OR1B1: variants seen among roughly 807,000 people sequenced by gnomAD.
OR1B1 encodes the protein olfactory receptor family 1 subfamily B member 1.
For missense variants in OR1B1, 414 were observed against 402.1 expected (o/e 1.03, Z -0.25); for synonymous variants, 168 against 156.2 (o/e 1.08, Z -0.57).
the OR1B1 span, among the ~76,000 whole-genome samples, chr9:122,651,363 G>A: frequency 3.3e-5 from 5 of 152,168 alleles, no homozygotes; most frequent in African/African-American, 9.7e-5. Flanking sequence ...ACTACGTAAT[G>A]TATTACTGTT....
chr9:122,630,204 G>A (rs576001256), upstream of OR1B1, among the ~76,000 whole-genome samples: 3 of 152,254 alleles, frequency 2.0e-5, no homozygotes, highest in South Asian at 2.1e-4. Flanking sequence ...TGCTGATAAC[G>A]TGATCTTATA....
chr9:122,633,310 TG>T (rs1486341754), upstream of OR1B1, among the ~76,000 whole-genome samples: 1 of 152,192 alleles, frequency 6.6e-6, no homozygotes, highest in Non-Finnish European at 1.5e-5. Flanking sequence ...CAAAATGGAC[TG>T]AAGACCTAAA....
the OR1B1 span, among the ~76,000 whole-genome samples, chr9:122,654,030 C>G: frequency 6.6e-6 from 1 of 151,884 alleles, no homozygotes; most frequent in East Asian, 1.9e-4. Context: ...AAACATGCTC[C>G]AGAAAAAGAG....
chr9:122,655,595 A>C, the OR1B1 span, among the ~76,000 whole-genome samples: 1 of 151,586 alleles, frequency 6.6e-6, no homozygotes, highest in African/African-American at 2.4e-5. Flanking sequence ...AGCAACAGAA[A>C]ACCAAACACC....
At chr9:122,653,803 C>T in the OR1B1 span, among the ~76,000 whole-genome samples, 2 of 152,060 alleles carry the variant, frequency 1.3e-5, no homozygotes, top group South Asian at 2.1e-4. Context: ...ACTCAAGATC[C>T]CCTCAGACAG....
chr9:122,656,818 C>A, the OR1B1 span, among the ~76,000 whole-genome samples: 1 of 152,086 alleles, frequency 6.6e-6, no homozygotes, highest in Non-Finnish European at 1.5e-5. Flanking sequence ...AACATAAATT[C>A]TATTGAATGG....
At chr9:122,656,270 T>C in the OR1B1 span, among the ~76,000 whole-genome samples, 6 of 152,212 alleles carry the variant, frequency 3.9e-5, no homozygotes, top group African/African-American at 1.4e-4. Flanking sequence ...TCAGATATTA[T>C]ACATAGACAA....
At chr9:122,657,330 G>A in the OR1B1 span, among the ~76,000 whole-genome samples, 6 of 148,518 alleles carry the variant, frequency 4.0e-5, no homozygotes, top group East Asian at 1.4e-3. Flanking sequence ...TTTACATAGA[G>A]TCAAACAAGG....
At chr9:122,638,584 C>A in the OR1B1 span, among the ~76,000 whole-genome samples, 1 of 152,040 alleles carries the variant, frequency 6.6e-6, no homozygotes, top group Non-Finnish European at 1.5e-5. Flanking sequence ...AATATCTATC[C>A]GAGAACTAAG....
At chr9:122,657,616 A>C in the OR1B1 span, among the ~76,000 whole-genome samples, 1 of 152,172 alleles carries the variant, frequency 6.6e-6, no homozygotes, top group Non-Finnish European at 1.5e-5. Flanking sequence ...AACATAGCAA[A>C]CCTCCAGACC....
At chr9:122,648,368 C>A in the OR1B1 span, among the ~76,000 whole-genome samples, 1 of 152,094 alleles carries the variant, frequency 6.6e-6, no homozygotes, top group African/African-American at 2.4e-5. Context: ...CCCGTTCATG[C>A]TAAAAACACT....
chr9:122,631,829 T>C (rs570555083), upstream of OR1B1, among the ~76,000 whole-genome samples: 1 of 152,292 alleles, frequency 6.6e-6, no homozygotes, highest in Non-Finnish European at 1.5e-5. Context: ...ACACAGGGTA[T>C]GTGAGAACAA....
At chr9:122,638,163 A>T in the OR1B1 span, among the ~76,000 whole-genome samples, 9 of 152,162 alleles carry the variant, frequency 5.9e-5, no homozygotes, top group Non-Finnish European at 1.2e-4. Context: ...AAATTCTAGA[A>T]ATATGCAGGA....
At chr9:122,636,444 G>C in the OR1B1 span, among the ~76,000 whole-genome samples, 123 of 152,270 alleles carry the variant, frequency 8.1e-4, no homozygotes, top group African/African-American at 2.6e-3. Context: ...GTGAAACCCA[G>C]TCTCTACCAA....
the OR1B1 span, among the ~76,000 whole-genome samples, chr9:122,636,305 C>T: frequency 6.6e-6 from 1 of 152,206 alleles, no homozygotes; most frequent in Admixed American, 6.5e-5. Context: ...TACACACATG[C>T]ATGCACGCAT....
upstream of OR1B1, among the ~76,000 whole-genome samples, chr9:122,632,133 C>T (rs1483447022): frequency 1.3e-5 from 2 of 152,058 alleles, no homozygotes; most frequent in East Asian, 3.9e-4. Flanking sequence ...AATTACAAAA[C>T]ACACATAAAG....
chr9:122,633,395 C>A (rs990237501), upstream of OR1B1, among the ~76,000 whole-genome samples: 1 of 152,092 alleles, frequency 6.6e-6, no homozygotes, highest in African/African-American at 2.4e-5. Context: ...TTTTGGCAAT[C>A]ATTTTCTGGA....
At chr9:122,655,889 C>T in the OR1B1 span, among the ~76,000 whole-genome samples, 4 of 151,344 alleles carry the variant, frequency 2.6e-5, no homozygotes, top group South Asian at 2.1e-4. Flanking sequence ...TGCTTTTACA[C>T]GTAGAATGAC....
chr9:122,651,200 C>T, the OR1B1 span, among the ~76,000 whole-genome samples: 3 of 152,076 alleles, frequency 2.0e-5, no homozygotes, highest in Middle Eastern at 3.2e-3. Context: ...TTAATTGATA[C>T]ATAATATTTG....
Sources: gnomAD v4.1 joint callset for allele counts (sites outside exome capture counted in the v4.1 genomes callset) on GRCh38, gnomAD v4.1.1 for gene constraint, MANE v1.5 for transcripts, NCBI Gene and HGNC (gene_info 2026-07-23, HGNC 2026-07-21) for gene names.